The following KCNN3 variants were observed in gnomAD, a reference collection of about 807,000 sequenced individuals.
KCNN3 encodes the protein small conductance calcium-activated potassium channel protein 3.
Under a neutral mutation model 62.9 loss-of-function variants are expected in KCNN3, and 16 were observed. The ratio of observed to expected loss-of-function variants is 0.25; its 90% CI spans 0.17 to 0.39. The LOEUF is 0.39. Ranked by LOEUF, KCNN3 falls within the 10% of genes least tolerant of loss-of-function variation. The pLI is 1.00. For missense variants in KCNN3, 599 were observed against 949.4 expected (o/e 0.63, Z 4.85); for synonymous variants, 370 against 389.2 (o/e 0.95, Z 0.58).
chr1:154,868,978 T>C, intron 1 of KCNN3, 54 bp downstream of exon 1: 2 of 1,448,650 alleles, frequency 1.4e-6, no homozygotes. Context: ...ATCCCTCTCT[T>C]GCTACCTACA....
intron 2 of KCNN3, among the ~76,000 whole-genome samples, chr1:154,814,899 G>A (rs909807917): frequency 1.2e-4 from 19 of 152,312 alleles, no homozygotes; most frequent in South Asian, 4.1e-4. Context: ...ATCACCAGTC[G>A]CTGTTCTCTG....
chr1:154,754,680 G>A (rs185962807), intron 3 of KCNN3, among the ~76,000 whole-genome samples: 17 of 152,310 alleles, frequency 1.1e-4, no homozygotes, highest in Admixed American at 7.2e-4. Context: ...ACGTACCAAC[G>A]ATGGCAGGGC....
chr1:154,779,877 G>A (rs2101848763), intron 2 of KCNN3, among the ~76,000 whole-genome samples: 1 of 152,344 alleles, frequency 6.6e-6, no homozygotes, highest in South Asian at 2.1e-4. Context: ...GTGTGTCACA[G>A]GCCCTCTCCC....
chr1:154,711,534 C>T (rs1700075645), intron 7 of KCNN3, among the ~76,000 whole-genome samples: 1 of 151,382 alleles, frequency 6.6e-6, no homozygotes, highest in Non-Finnish European at 1.5e-5. Context: ...GTTTGGTTTG[C>T]CTCATGTCCC....
intron 5 of KCNN3, among the ~76,000 whole-genome samples, chr1:154,718,643 A>G (rs1396959136): frequency 6.6e-6 from 1 of 152,232 alleles, no homozygotes; most frequent in Non-Finnish European, 1.5e-5. Context: ...GAACAAATCA[A>G]TAACATTGCT....
In KCNN3 at chr1:154,772,250, G is replaced by A. The variant is rs776340934; in HGVS notation, c.1173C>T (p.Ala391=). ...CCGCCCGGGAGGGTGTGTAGGAGAA[G>A]GCCAGGCGTGCCGTCCAGAAGAACT... ...EYKFFWTARL[A]FSYTPSRAEA... Residue 391 remains alanine, a synonymous_variant, in exon 3 of 8, where the codon GCC becomes GCT. Transcript: ENST00000271915. The surrounding 1 kb of genome is among the most constrained non-coding windows in gnomAD (Gnocchi z 5.6). 10 of 1,614,272 alleles carry A rather than the reference G, an allele frequency of 6.2e-6. No homozygotes were observed. The South Asian group carries it at 9.9e-5, about 16-fold the overall frequency.
intron 2 of KCNN3, among the ~76,000 whole-genome samples, chr1:154,798,164 C>G (rs1372210709): frequency 6.6e-6 from 1 of 152,226 alleles, no homozygotes; most frequent in Non-Finnish European, 1.5e-5. Flanking sequence ...CTCCACTCCC[C>G]CAACCCTTAT....
chr1:154,825,514 C>T (rs1013114473), intron 1 of KCNN3, among the ~76,000 whole-genome samples: 10 of 151,616 alleles, frequency 6.6e-5, no homozygotes, highest in African/African-American at 2.2e-4. Flanking sequence ...TACAGGCGCC[C>T]GCCACTACAC....
intron 3 of KCNN3, among the ~76,000 whole-genome samples, chr1:154,752,013 C>T (rs2101814744): frequency 6.6e-6 from 1 of 152,296 alleles, no homozygotes; most frequent in South Asian, 2.1e-4. Context: ...AACTGACTCA[C>T]TGAAATTAGG....
chr1:154,761,153 A>AC (rs1647991691), intron 3 of KCNN3, among the ~76,000 whole-genome samples: 1 of 5,508 alleles, frequency 1.8e-4, no homozygotes, highest in South Asian at 6.3e-3. Context: ...AAAAAGTAAT[A>AC]AAAAATCACA....
intron 2 of KCNN3, among the ~76,000 whole-genome samples, chr1:154,821,185 C>T (rs1344097177): frequency 6.6e-6 from 1 of 152,184 alleles, no homozygotes; most frequent in Non-Finnish European, 1.5e-5. Flanking sequence ...GACTTGACCC[C>T]AGTTTTTCTG....
At chr1:154,842,264 C>T (rs989293856) in intron 1 of KCNN3, among the ~76,000 whole-genome samples, 9 of 152,150 alleles carry the variant, frequency 5.9e-5, no homozygotes, top group South Asian at 2.1e-4. Flanking sequence ...TGAGCAGGTG[C>T]GGGTGTGGGA....
Position 154,869,856 on chromosome 1 carries a change from G to T in KCNN3, c.109C>A (p.Gln37Lys), listed in dbSNP as rs747821668. The T allele has an allele frequency of 2.7e-6, 4 of 1,487,024 alleles. No individual in the cohort carries two copies. The highest frequency in any genetic ancestry group is 2.7e-5 in the East Asian group (1 of 36,730). The allele number at this position is 1,487,024 out of a possible 1,614,324, so 92.1% of individuals were successfully genotyped here. The change falls in exon 1 of 8, where the codon CAA becomes AAA. Residue 37 changes from glutamine to lysine, a missense_variant. By Grantham distance (53) the Gln-to-Lys change is moderately conservative. Around this residue, in one of 7 missense-constraint regions of KCNN3, gnomAD observed 59 missense variants for 62.4 expected, o/e 0.95. Coordinates refer to ENST00000271915, the MANE Select transcript of KCNN3 (RefSeq NM_002249.6). The surrounding 1 kb of genome is among the most constrained non-coding windows in gnomAD (Gnocchi z 6.1). Reference sequence around the variant, plus strand: ...GGCGGTGGTGGCTGCTGCTGCTGTTGCTGCTGCTGCTGCTGCTGCTGCTCA... The same window carrying T: ...GGCGGTGGTGGCTGCTGCTGCTGTTTCTGCTGCTGCTGCTGCTGCTGCTCA... Reference protein sequence around the residue: ...GDEQQQQQQQQQQQQPPPPAP... With the variant: ...GDEQQQQQQQKQQQQPPPPAP...
rs868570107 is a variant in KCNN3 at position 154,737,210 on chromosome 1, G to T, written c.1449-4066C>A. 1.8e-4 allele frequency: 54 copies of T among 301,868 alleles called. 9 individuals are homozygous for T. Among genetic ancestry groups the T allele is most frequent in the Middle Eastern group, 5.0e-4 (1 of 2,008 alleles). 18.7% of individuals were successfully genotyped at this position (301,868 alleles called of 1,614,324 possible). A position where few individuals can be genotyped will look rare whatever the true frequency, so the allele number is the denominator to read the frequency against. ...TATTTTTTGCAATAGAAAATTTGGG[G>T]GGGGGGGATAGCTCCATGTTTTTCT... On this transcript the variant is annotated intron_variant, in intron 3 of 7. Coordinates refer to ENST00000271915, the MANE Select transcript of KCNN3 (RefSeq NM_002249.6).
chr1:154,856,711 C>A (rs1047524986), intron 1 of KCNN3, among the ~76,000 whole-genome samples: 1 of 152,174 alleles, frequency 6.6e-6, no homozygotes, highest in Non-Finnish European at 1.5e-5. Flanking sequence ...TTAGGATTCA[C>A]CCCCATGGAA....
chr1:154,862,607 C>T lies in KCNN3; in HGVS notation c.933+6425G>A, dbSNP rs554571789. Reference sequence around the variant, plus strand: ...ACACCTACCCTCCTCACAACCTGCCCGGTATCACCCTGAGGGCAGCAGCAC... The same window carrying T: ...ACACCTACCCTCCTCACAACCTGCCTGGTATCACCCTGAGGGCAGCAGCAC... On this transcript the variant is annotated intron_variant, in intron 1 of 7. Coordinates refer to ENST00000271915, the MANE Select transcript of KCNN3 (RefSeq NM_002249.6). The surrounding 1 kb of genome is among the most constrained non-coding windows in gnomAD (Gnocchi z 4.1). Among the ~76,000 whole-genome samples the T allele has an allele frequency of 5.9e-5, 9 of 152,196 alleles. No homozygotes were observed. The highest frequency in any genetic ancestry group is 1.2e-4 in the African/African-American group (5 of 41,506).
rs1207058496 is a variant in KCNN3 at position 154,756,165 on chromosome 1, G to A, written c.1448+15810C>T. ...GGAGGAAGAAGAAGGAGGAGAAGAA[G>A]AAGAGAAGAAGAGGTGGAGGATGGG... On this transcript the variant is annotated intron_variant, in intron 3 of 7. Transcript: ENST00000271915. 2.5e-4 allele frequency among the ~76,000 whole-genome samples: 29 copies of A among 115,526 alleles called. No individual in the cohort carries two copies. The Admixed American group carries it at 2.7e-3, about 11-fold the overall frequency. The allele number at this position is 115,526 out of a possible 152,430, so 75.8% of individuals were successfully genotyped here. A position where few individuals can be genotyped will look rare whatever the true frequency, so the allele number is the denominator to read the frequency against.
intron 2 of KCNN3, among the ~76,000 whole-genome samples, chr1:154,814,395 A>G (rs1037883700): frequency 6.6e-6 from 1 of 152,250 alleles, no homozygotes; most frequent in African/African-American, 2.4e-5. Context: ...CCACAGTCAG[A>G]GAAGGGAGTT....
chr1:154,766,234 A>G (rs1283409651), intron 3 of KCNN3, among the ~76,000 whole-genome samples: 1 of 151,386 alleles, frequency 6.6e-6, no homozygotes, highest in East Asian at 1.9e-4. Flanking sequence ...GTGGTAGGCT[A>G]CTTTCCTATC....
Sources: gnomAD v4.1 joint callset for allele counts (sites outside exome capture counted in the v4.1 genomes callset) on GRCh38, gnomAD v4.1.1 for gene constraint, gnomAD v4.1.1 regional missense constraint, Gnocchi (gnomAD v3.1) non-coding constraint, MANE v1.5 for transcripts, NCBI Gene and HGNC (gene_info 2026-07-23, HGNC 2026-07-21) for gene names.